Variants in CPAMD8 observed in about 807,000 individuals in gnomAD.
The protein encoded by CPAMD8 is C3 and PZP like alpha-2-macroglobulin domain containing 8.
In CPAMD8, 146 loss-of-function variants were observed where a neutral mutation model predicts 224.7. That is an observed-to-expected ratio of 0.65 (90% CI 0.57 to 0.75). The LOEUF (loss-of-function observed/expected upper bound fraction) is 0.75. Among genes scored for constraint, CPAMD8 ranks in the 30% least tolerant of loss-of-function variants. The pLI is 0.00. For missense variants in CPAMD8, 2,301 were observed against 2,537.5 expected (o/e 0.91, Z 2.00); for synonymous variants, 966 against 1,044.6 (o/e 0.92, Z 1.45).
intron 18 of CPAMD8, among the ~76,000 whole-genome samples, chr19:16,964,999 G>A (rs1431581351): frequency 2.0e-5 from 3 of 152,110 alleles, no homozygotes; most frequent in Non-Finnish European, 2.9e-5. Flanking sequence ...GGTGGCTCAC[G>A]CCTGTAATCC....
intron 8 of CPAMD8, 120 bp from the exon 9 acceptor site, chr19:17,002,470 T>C: frequency 1.5e-6 from 1 of 664,820 alleles, no homozygotes; most frequent in East Asian, 2.7e-5. Context: ...AGGTTGACAC[T>C]GTACCCATCC....
At chr19:16,901,585 A>G (rs1221789148) in intron 35 of CPAMD8, among the ~76,000 whole-genome samples, 1 of 152,192 alleles carries the variant, frequency 6.6e-6, no homozygotes, top group Non-Finnish European at 1.5e-5. Context: ...CTGTGTCCCC[A>G]GCCTGGGAAG....
intron 41 of CPAMD8, chr19:16,895,943 G>A (rs112956375): frequency 1.5e-6 from 1 of 670,302 alleles, no homozygotes; most frequent in Non-Finnish European, 2.7e-6. Context: ...GCGTGCGCCC[G>A]CGCACAGCTG....
intron 5 of CPAMD8, 157 bp from the exon 6 acceptor site, chr19:17,009,477 T>C: frequency 1.6e-6 from 2 of 1,283,610 alleles, no homozygotes; most frequent in South Asian, 2.9e-5. Context: ...TAACCCCAAG[T>C]AGGGTCTTTA....
chr19:16,935,825 CTG>C (rs1475182239), intron 23 of CPAMD8, among the ~76,000 whole-genome samples: 12 of 152,180 alleles, frequency 7.9e-5, no homozygotes, highest in Admixed American at 7.9e-4. Context: ...AACCACCAAA[CTG>C]TTTTTAAAAA....
intron 14 of CPAMD8, among the ~76,000 whole-genome samples, chr19:16,977,956 A>G (rs1044204359): frequency 5.3e-5 from 8 of 152,162 alleles, no homozygotes; most frequent in Non-Finnish European, 1.2e-4. Context: ...GCCTGGGGCC[A>G]GCAGACCTGG....
chr19:17,009,126 A>G, intron 6 of CPAMD8, 177 bp downstream of exon 6: 1 of 928,550 alleles, frequency 1.1e-6, no homozygotes, highest in Non-Finnish European at 1.6e-6. Flanking sequence ...ACAGACACAC[A>G]CACAGCCCAT....
rs576749564 is a variant in CPAMD8 at position 17,006,532 on chromosome 19, A to G, written c.559+1973T>C. On this transcript the variant is annotated intron_variant, in intron 7 of 41. Coordinates refer to ENST00000443236, the MANE Select transcript of CPAMD8 (RefSeq NM_015692.5). ...AATGAGAGAGAACCTGCCTCTTGAGAAAAAAAAAAAAAACTTTTTAAAAAA... is the reference window on the plus strand; with the variant it reads ...AATGAGAGAGAACCTGCCTCTTGAGGAAAAAAAAAAAAACTTTTTAAAAAA... 6.8e-4 allele frequency among the ~76,000 whole-genome samples: 66 copies of G among 96,526 alleles called. No homozygotes were observed. In the East Asian group the frequency reaches 0.017, roughly 24 times the overall value. The allele number at this position is 96,526 out of a possible 152,430, so 63.3% of individuals were successfully genotyped here.
intron 30 of CPAMD8, among the ~76,000 whole-genome samples, chr19:16,906,529 G>A (rs192598859): frequency 7.7e-4 from 117 of 151,016 alleles, no homozygotes; most frequent in African/African-American, 2.6e-3. Context: ...TCAGCCTCCC[G>A]AGTAGCTGGG....
intron 18 of CPAMD8, among the ~76,000 whole-genome samples, chr19:16,967,981 C>T (rs1451893954): frequency 1.2e-5 from 1 of 85,338 alleles, no homozygotes; most frequent in Non-Finnish European, 2.3e-5. Flanking sequence ...GTTCCAATTA[C>T]AAAAAAGCAT....
At chr19:16,919,976 T>G (rs982831449) in intron 27 of CPAMD8, among the ~76,000 whole-genome samples, 1 of 151,980 alleles carries the variant, frequency 6.6e-6, no homozygotes, top group Non-Finnish European at 1.5e-5. Context: ...CTCAGAGAGG[T>G]TGATCATCGG....
chr19:16,977,751 G>A (rs1229952578), intron 14 of CPAMD8, among the ~76,000 whole-genome samples: 1 of 152,116 alleles, frequency 6.6e-6, no homozygotes, highest in Non-Finnish European at 1.5e-5. Flanking sequence ...GTCACCATGG[G>A]CTCCTACAGA....
intron 20 of CPAMD8, among the ~76,000 whole-genome samples, chr19:16,949,066 GAGGAAGGA>G (rs986990985): frequency 2.9e-5 from 4 of 137,584 alleles, no homozygotes; most frequent in African/African-American, 7.8e-5. Context: ...GGGAGGGAGG[GAGGAAGGA>G]AGGGAGGAAG....
chr19:17,017,777 C>A (rs2056850066), intron 3 of CPAMD8, among the ~76,000 whole-genome samples: 1 of 152,190 alleles, frequency 6.6e-6, no homozygotes. Context: ...CGCCTGTAAT[C>A]CCAACACTTT....
intron 18 of CPAMD8, among the ~76,000 whole-genome samples, chr19:16,964,501 A>C (rs2054760178): frequency 1.3e-5 from 2 of 152,202 alleles, no homozygotes; most frequent in African/African-American, 2.4e-5. Flanking sequence ...AAGAACGTGA[A>C]TCTCTGAATA....
intron 25 of CPAMD8, among the ~76,000 whole-genome samples, chr19:16,926,942 G>A (rs2053385411): frequency 6.6e-6 from 1 of 151,986 alleles, no homozygotes; most frequent in Non-Finnish European, 1.5e-5. Flanking sequence ...TGAGTCCCAG[G>A]GCCTCCACCC....
At chr19:16,920,556 G>A (rs2053132811) in intron 27 of CPAMD8, among the ~76,000 whole-genome samples, 1 of 150,588 alleles carries the variant, frequency 6.6e-6, no homozygotes, top group African/African-American at 2.4e-5. Flanking sequence ...GAGGAGGTGT[G>A]TGCACACTGA....
intron 10 of CPAMD8, among the ~76,000 whole-genome samples, chr19:16,998,143 T>C (rs926091098): frequency 6.6e-6 from 1 of 152,040 alleles, no homozygotes; most frequent in Non-Finnish European, 1.5e-5. Flanking sequence ...TGGTTTCCAA[T>C]CCATGGAAGA....
intron 22 of CPAMD8, among the ~76,000 whole-genome samples, chr19:16,943,400 T>C (rs1377135916): frequency 1.3e-5 from 2 of 151,952 alleles, no homozygotes; most frequent in Non-Finnish European, 2.9e-5. Flanking sequence ...TATTTATTTA[T>C]TTATTCATTC....
Sources: allele counts gnomAD v4.1 joint callset (sites outside exome capture counted in the v4.1 genomes callset), GRCh38; gene constraint gnomAD v4.1.1; transcripts MANE v1.5; gene names NCBI Gene and HGNC (gene_info 2026-07-23, HGNC 2026-07-21).